C3: variants seen among roughly 807,000 people sequenced by gnomAD.
C3 encodes the protein C3 and PZP-like alpha-2-macroglobulin domain-containing protein 1.
Under a neutral mutation model 207.9 loss-of-function variants are expected in C3, and 97 were observed. That is an observed-to-expected ratio of 0.47 (90% CI 0.40 to 0.55). The LOEUF (loss-of-function observed/expected upper bound fraction) is 0.55, where lower values mean the gene tolerates loss of function less well. Ranked by LOEUF, C3 falls within the 20% of genes least tolerant of loss-of-function variation. The pLI is 0.00. For synonymous variants in C3, 848 were observed against 857.6 expected, an observed-to-expected ratio of 0.99 and a Z score of 0.20; for missense variants, 1,684 against 2,171.7, an observed-to-expected ratio of 0.78 and a Z score of 4.46.
chr19:6,678,074 AG>A, intron 40 of C3, 51 bp from the exon 41 acceptor site: 1 of 1,613,850 alleles, frequency 6.2e-7, no homozygotes, highest in Non-Finnish European at 8.5e-7. Context: ...GGCGTGGCGC[AG>A]GGGCGTGACA....
At chr19:6,718,439 G>C (rs867586450) in intron 2 of C3, 27 bp from the exon 3 acceptor site, 1 of 1,613,904 alleles carries the variant, frequency 6.2e-7, no homozygotes. Context: ...CATTGTCAGG[G>C]GTCTGTTCCA....
At chr19:6,682,802 T>G (rs1484952893) in intron 33 of C3, 1 of 159,158 alleles carries the variant, frequency 6.3e-6, no homozygotes, top group Non-Finnish European at 1.4e-5. Context: ...AGTGTGTAGT[T>G]CTGTTGCCTC....
In C3 at chr19:6,708,186, G is replaced by A. The variant is rs912103775; in HGVS notation, c.1846-257C>T. On this transcript the variant is annotated intron_variant, in intron 14 of 40. Transcript: ENST00000245907. The stretch of plus-strand genomic sequence containing the variant: ...GAGTCTTGCTCTGTCACCCAGGCTG[G>A]AGTGCAGTGGTGTGATCTCCGCTCA... Among the ~76,000 whole-genome samples, 5 of 151,862 alleles carry A rather than the reference G, an allele frequency of 3.3e-5. 1 individual carries two copies. In the East Asian group the frequency reaches 9.7e-4, roughly 30 times the overall value.
chr19:6,679,322 T>C, intron 37 of C3, 85 bp downstream of exon 37: 2 of 1,438,040 alleles, frequency 1.4e-6, no homozygotes, highest in Non-Finnish European at 2.0e-6. Flanking sequence ...TGGGTATGGG[T>C]CTGGGGGTCC....
At chr19:6,684,110 A>G (rs1917935765) in intron 33 of C3, 3 of 475,666 alleles carry the variant, frequency 6.3e-6, no homozygotes, top group South Asian at 4.2e-5. Flanking sequence ...CTAAAAAGAA[A>G]AAAAGAAAAC....
At chr19:6,699,456 C>T (rs1017342761) in intron 19 of C3, among the ~76,000 whole-genome samples, 6 of 151,814 alleles carry the variant, frequency 4.0e-5, no homozygotes, top group Admixed American at 1.3e-4. Flanking sequence ...TAGCATCCTG[C>T]GCTGGGCGCG....
intron 14 of C3, 70 bp from the exon 15 acceptor site, chr19:6,707,999 C>T: frequency 6.3e-7 from 1 of 1,585,504 alleles, no homozygotes; most frequent in Non-Finnish European, 8.6e-7. Flanking sequence ...CACATATGCA[C>T]CTGTGTATCT....
chr19:6,716,436 G>C (rs1377740919), intron 4 of C3: 2 of 151,322 alleles, frequency 1.3e-5, no homozygotes, highest in African/African-American at 4.9e-5. Flanking sequence ...GGGTCTGGCT[G>C]TGTTGCCCAG....
intron 35 of C3, 61 bp from the exon 36 acceptor site, chr19:6,680,324 T>C (rs914819610): frequency 1.1e-6 from 1 of 891,794 alleles, no homozygotes; most frequent in African/African-American, 1.6e-5. Context: ...AGCATTGTCT[T>C]GGGAGCTGAG....
intron 35 of C3, 116 bp downstream of exon 35, chr19:6,681,825 C>A (rs1043159379): frequency 4.8e-5 from 40 of 828,050 alleles, no homozygotes; most frequent in African/African-American, 1.5e-4. Context: ...ACCCTGTCTC[C>A]TCTGGCCCAG....
At chr19:6,678,613 A>T (rs1397948013) in intron 38 of C3, among the ~76,000 whole-genome samples, 158 bp from the exon 39 acceptor site, 1 of 152,036 alleles carries the variant, frequency 6.6e-6, no homozygotes, top group Non-Finnish European at 1.5e-5. Context: ...TTACACACAC[A>T]ACCATAGAGG....
Position 6,719,782 on chromosome 19 carries a change from C to T in C3, c.75-379G>A, listed in dbSNP as rs1219450546. On this transcript the variant is annotated intron_variant, in intron 1 of 40. Transcript: ENST00000245907. This position sits in a 1 kb window ranked among gnomAD's most constrained non-coding sequence, Gnocchi z 5.4. Reference sequence around the variant, plus strand: ...CATGCCCCAAACCCTAAACCTCTACCTCTCTAAACACTCCAAATATGTAAA... The same window carrying T: ...CATGCCCCAAACCCTAAACCTCTACTTCTCTAAACACTCCAAATATGTAAA... 6.6e-6 allele frequency among the ~76,000 whole-genome samples: 1 copy of T among 152,074 alleles called. No homozygotes were observed. The highest frequency in any genetic ancestry group is 1.5e-5 in the Non-Finnish European group (1 of 68,018).
chr19:6,679,478 A>G lies in C3; in HGVS notation c.4475T>C (p.Phe1492Ser). 1 of 1,613,180 alleles carries G rather than the reference A, an allele frequency of 6.2e-7. No individual in the cohort carries two copies. Among genetic ancestry groups the G allele is most frequent in the Non-Finnish European group, 8.5e-7 (1 of 1,179,108 alleles). ...YYNLEESCTR[F>S]YHPEKEDGKL... ...TCCATCCTCCTTTTCCGGATGGTAG[A>G]ACCGGGTACAGCTTTCCTCTGCGGG... The change falls in exon 37 of 41, where the codon TTC (phenylalanine) becomes TCC (serine). Residue 1492 changes from phenylalanine (F) to serine (S), a missense_variant. Phe to Ser is a radical substitution (Grantham distance 155). Transcript: ENST00000245907.
At chr19:6,696,341 T>G (rs1447841303) in intron 23 of C3, 38 bp downstream of exon 23, 2 of 1,446,616 alleles carry the variant, frequency 1.4e-6, no homozygotes, top group Non-Finnish European at 1.9e-6. Context: ...ATCCATGCCC[T>G]CCTGGGACCC....
chr19:6,686,967 T>G (rs573730717), intron 27 of C3, 65 bp from the exon 28 acceptor site: 4 of 1,510,270 alleles, frequency 2.6e-6, no homozygotes, highest in Admixed American at 3.4e-5. Context: ...TAAGGATCAT[T>G]CGAGCAGCAC....
intron 40 of C3, 35 bp downstream of exon 40, chr19:6,678,117 G>T (rs764795400): frequency 6.2e-7 from 1 of 1,614,066 alleles, no homozygotes; most frequent in East Asian, 2.2e-5. Flanking sequence ...CGGGGCAGTC[G>T]GGCGGTCGCG....
chr19:6,679,725 C>T (rs1333814650), intron 36 of C3, among the ~76,000 whole-genome samples: 1 of 151,600 alleles, frequency 6.6e-6, no homozygotes, highest in Non-Finnish European at 1.5e-5. Context: ...CCTCAGACCC[C>T]AAATTCATAG....
At chr19:6,714,879 C>T (rs1463218687) in intron 4 of C3, among the ~76,000 whole-genome samples, 1 of 151,678 alleles carries the variant, frequency 6.6e-6, no homozygotes, top group Non-Finnish European at 1.5e-5. Context: ...AGAACAAGGA[C>T]CGGAGTCAGT....
intron 26 of C3, among the ~76,000 whole-genome samples, chr19:6,691,783 A>G (rs11569500): frequency 0.11 from 16,019 of 151,926 alleles, 1,016 homozygotes; most frequent in Non-Finnish European, 0.13. Flanking sequence ...TCAGGAGTTC[A>G]AGACCAGCCT....
Sources: allele counts gnomAD v4.1 joint callset (sites outside exome capture counted in the v4.1 genomes callset), GRCh38; gene constraint gnomAD v4.1.1; non-coding constraint Gnocchi (gnomAD v3.1); transcripts MANE v1.5; gene names NCBI Gene and HGNC (gene_info 2026-07-23, HGNC 2026-07-21).